The following CELF2 variants were observed in gnomAD, a reference collection of about 807,000 sequenced individuals.
CELF2 encodes the protein CUGBP Elav-like family member 2.
A neutral mutation model predicts 62.6 loss-of-function variants in CELF2; 8 were observed. The observed-to-expected ratio is 0.13, with a 90% CI of 0.07 to 0.23. The LOEUF (loss-of-function observed/expected upper bound fraction) is 0.23, where lower values mean the gene tolerates loss of function less well. Among genes scored for constraint, CELF2 ranks in the 10% least tolerant of loss-of-function variants. The pLI, the probability that CELF2 is intolerant of heterozygous loss-of-function variation, is 1.00. For missense variants in CELF2, 333 were observed against 671.0 expected (o/e 0.50, Z 5.56); for synonymous variants, 258 against 250.0 (o/e 1.03, Z -0.30).
chr10:10,645,205 C>T, the CELF2 span, among the ~76,000 whole-genome samples: 18 of 152,238 alleles, frequency 1.2e-4, no homozygotes, highest in South Asian at 1.5e-3. Flanking sequence ...TGGAATCCCC[C>T]CTTGTTGAAT....
chr10:10,493,350 T>G, the CELF2 span, among the ~76,000 whole-genome samples: 197 of 152,182 alleles, frequency 1.3e-3, 1 homozygote, highest in South Asian at 8.1e-3. Context: ...GTTCTGGAGA[T>G]GCATGGTGGA....
chr10:11,330,787 A>G lies in CELF2; in HGVS notation c.*1734A>G, dbSNP rs988635458. 1.3e-5 allele frequency: 2 copies of G among 152,552 alleles called. No individual in the cohort carries two copies. Among genetic ancestry groups the G allele is most frequent in the African/African-American group, 4.8e-5 (2 of 41,414 alleles). The allele number at this position is 152,552 out of a possible 1,614,324, so 9.4% of individuals were successfully genotyped here. A position where few individuals can be genotyped will look rare whatever the true frequency, so the allele number is the denominator to read the frequency against. ...TAAAACAGACTTGAAAGTATTATAC[A>G]GGGATTGGCATTCTTCCCGGTCACT... On this transcript the variant is annotated 3_prime_UTR_variant, in exon 13 of 13. Coordinates refer to ENST00000633077, the MANE Select transcript of CELF2 (RefSeq NM_001326342.2). The surrounding 1 kb of genome is among the most constrained non-coding windows in gnomAD (Gnocchi z 4.5).
chr10:10,499,491 T>C, the CELF2 span, among the ~76,000 whole-genome samples: 1 of 152,200 alleles, frequency 6.6e-6, no homozygotes, highest in African/African-American at 2.4e-5. Context: ...TAAGTTCGCT[T>C]AGGAGTTAGG....
chr10:10,496,859 T>C, the CELF2 span, among the ~76,000 whole-genome samples: 1 of 151,640 alleles, frequency 6.6e-6, no homozygotes, highest in South Asian at 2.1e-4. Flanking sequence ...GGAAGGAAGA[T>C]GGTGGAAGAA....
the CELF2 span, among the ~76,000 whole-genome samples, chr10:10,497,062 A>G: frequency 1.3e-5 from 2 of 152,020 alleles, no homozygotes; most frequent in Non-Finnish European, 2.9e-5. Context: ...AAGGTGGCAC[A>G]TGCCTATAAT....
At chr10:11,148,405 G>A (rs1025395715) in intron 1 of CELF2, among the ~76,000 whole-genome samples, 3 of 152,176 alleles carry the variant, frequency 2.0e-5, no homozygotes, top group Non-Finnish European at 2.9e-5. Context: ...TTAGTAGTGA[G>A]TTTTGCCCAA....
At chr10:10,878,272 T>C (rs988956815) in intron 1 of CELF2, among the ~76,000 whole-genome samples, 7 of 152,202 alleles carry the variant, frequency 4.6e-5, no homozygotes, top group African/African-American at 1.7e-4. Flanking sequence ...CAAGGGCCAC[T>C]CTTTCCTTTG....
In CELF2 at chr10:10,802,069, G is replaced by A. The variant is rs527601380; in HGVS notation, c.53+3252G>A. Reference sequence around the variant, plus strand: ...TCAACATTCTCCCATTTGACTCCTCGGAAAGTACAAACACTCCAGCTGCAT... The same window carrying A: ...TCAACATTCTCCCATTTGACTCCTCAGAAAGTACAAACACTCCAGCTGCAT... On this transcript the variant is annotated intron_variant, in intron 1 of 13. Coordinates refer to the CELF2 transcript ENST00000636488. Among the ~76,000 whole-genome samples the A allele has an allele frequency of 1.4e-3, 219 of 152,064 alleles. 1 individual carries two copies. The highest frequency in any genetic ancestry group is 4.9e-3 in the African/African-American group (205 of 41,464).
At chr10:10,986,201 C>T (rs1327547612) in intron 2 of CELF2, among the ~76,000 whole-genome samples, 1 of 151,992 alleles carries the variant, frequency 6.6e-6, no homozygotes. Context: ...AAGGTATATT[C>T]TCTGTATTTC....
At chr10:10,952,582 T>C (rs2048441903) in intron 2 of CELF2, among the ~76,000 whole-genome samples, 1 of 152,174 alleles carries the variant, frequency 6.6e-6, no homozygotes, top group Admixed American at 6.5e-5. Context: ...GGGTGTTTCC[T>C]TCTCTATATA....
chr10:11,074,213 T>C (rs2071127172), intron 1 of CELF2, among the ~76,000 whole-genome samples: 1 of 152,262 alleles, frequency 6.6e-6, no homozygotes, highest in Non-Finnish European at 1.5e-5. Context: ...TATATCCTTT[T>C]GTATTTTTCT....
At chr10:10,645,773 G>A in the CELF2 span, among the ~76,000 whole-genome samples, 1 of 152,198 alleles carries the variant, frequency 6.6e-6, no homozygotes, top group Admixed American at 6.5e-5. Context: ...TGGGGAACAG[G>A]TACTCAATAA....
At chr10:10,719,238 G>T in the CELF2 span, among the ~76,000 whole-genome samples, 1 of 151,870 alleles carries the variant, frequency 6.6e-6, no homozygotes, top group African/African-American at 2.4e-5. Context: ...GATTACAGGC[G>T]TGAGCCACCG....
the CELF2 span, among the ~76,000 whole-genome samples, chr10:10,466,897 T>C: frequency 1.3e-5 from 2 of 152,074 alleles, no homozygotes; most frequent in Non-Finnish European, 2.9e-5. Context: ...TGTGTCATCT[T>C]AATATTGAGT....
intron 1 of CELF2, among the ~76,000 whole-genome samples, chr10:11,083,669 C>A (rs2074638488): frequency 6.6e-6 from 1 of 152,108 alleles, no homozygotes; most frequent in African/African-American, 2.4e-5. Flanking sequence ...TACTCTCTGC[C>A]CCATCTCACC....
chr10:10,659,533 G>C, the CELF2 span, among the ~76,000 whole-genome samples: 1 of 152,100 alleles, frequency 6.6e-6, no homozygotes, highest in African/African-American at 2.4e-5. Flanking sequence ...TATGGGGAGT[G>C]AGGAAGGAAT....
intron 1 of CELF2, among the ~76,000 whole-genome samples, chr10:11,025,239 G>GTGTGTGTGTGTGTA (rs61580670): frequency 2.8e-5 from 4 of 141,088 alleles, no homozygotes; most frequent in Admixed American, 2.2e-4. Context: ...GTGTGTGTGT[G>GTGTGTGTGTGTGTA]TATATGTATG....
chr10:11,121,499 A>T (rs2057731482), intron 1 of CELF2, among the ~76,000 whole-genome samples: 1 of 152,028 alleles, frequency 6.6e-6, no homozygotes, highest in African/African-American at 2.4e-5. Context: ...TCCCTTAACA[A>T]TTATTTGAGG....
intron 1 of CELF2, among the ~76,000 whole-genome samples, chr10:11,095,755 G>A (rs960320908): frequency 2.0e-5 from 3 of 152,140 alleles, no homozygotes; most frequent in East Asian, 1.9e-4. Context: ...GCTGGCGTTG[G>A]CATTCATCAT....
Sources: gnomAD v4.1 joint callset for allele counts (sites outside exome capture counted in the v4.1 genomes callset) on GRCh38, gnomAD v4.1.1 for gene constraint, Gnocchi (gnomAD v3.1) non-coding constraint, MANE v1.5 for transcripts, NCBI Gene and HGNC (gene_info 2026-07-23, HGNC 2026-07-21) for gene names.